ZNF385D: variants seen among roughly 807,000 people sequenced by gnomAD.
ZNF385D encodes the protein zinc finger protein 659.
Under a neutral mutation model 35.8 loss-of-function variants are expected in ZNF385D, and 15 were observed. The ratio of observed to expected loss-of-function variants is 0.42; its 90% confidence interval spans 0.28 to 0.64. The LOEUF (loss-of-function observed/expected upper bound fraction) is 0.64. Among genes scored for constraint, ZNF385D ranks in the 30% least tolerant of loss-of-function variants. ZNF385D has a pLI of 0.23. For missense variants in ZNF385D, 474 were observed against 494.6 expected (o/e 0.96, Z 0.39); for synonymous variants, 212 against 186.8 (o/e 1.13, Z -1.10).
In ZNF385D at chr3:22,029,776, T is replaced by C. The variant is rs555158497; in HGVS notation, c.325+139041A>G. ...TCTAGTTGTATGAAGGGTAGTTGTA[T>C]TATGTTAGGCGTAATTATGACATTG... On this transcript the variant is annotated intron_variant, in intron 3 of 5. Transcript: ENST00000494108. Among the ~76,000 whole-genome samples the C allele has an allele frequency of 2.6e-5, 4 of 152,336 alleles. No homozygotes were observed. In the South Asian group the frequency reaches 8.3e-4, roughly 32 times the overall value.
chr3:21,687,589 T>C (rs1266643650), intron 1 of ZNF385D, among the ~76,000 whole-genome samples: 1 of 152,090 alleles, frequency 6.6e-6, no homozygotes, highest in East Asian at 1.9e-4. Flanking sequence ...TTGTCCAGGG[T>C]TCATAGTTTA....
intron 3 of ZNF385D, among the ~76,000 whole-genome samples, chr3:21,923,726 G>C (rs1306968408): frequency 5.3e-5 from 8 of 152,138 alleles, no homozygotes; most frequent in Admixed American, 5.2e-4. Flanking sequence ...TGCAGTTGGA[G>C]TCCATTATCA....
intron 3 of ZNF385D, among the ~76,000 whole-genome samples, chr3:21,991,954 T>G (rs903908539): frequency 6.6e-6 from 1 of 152,198 alleles, no homozygotes; most frequent in African/African-American, 2.4e-5. Context: ...CCAGACCACC[T>G]GGGCTTAAAT....
intron 3 of ZNF385D, among the ~76,000 whole-genome samples, chr3:22,097,810 G>C (rs1048573009): frequency 2.0e-5 from 3 of 152,038 alleles, no homozygotes; most frequent in African/African-American, 4.8e-5. Flanking sequence ...CCACATTTCT[G>C]TCTAGATACC....
chr3:21,707,002 T>C (rs2067930002), intron 1 of ZNF385D, among the ~76,000 whole-genome samples: 1 of 152,192 alleles, frequency 6.6e-6, no homozygotes, highest in Non-Finnish European at 1.5e-5. Context: ...TTTGAAATGC[T>C]TGATGAAGTT....
chr3:21,742,882 A>G (rs1166094555), intron 1 of ZNF385D, among the ~76,000 whole-genome samples: 1 of 152,222 alleles, frequency 6.6e-6, no homozygotes, highest in Non-Finnish European at 1.5e-5. Flanking sequence ...TGACCCCAAC[A>G]GGCAAAATCA....
At chr3:21,873,580 G>C (rs1697806432) in intron 3 of ZNF385D, among the ~76,000 whole-genome samples, 2 of 152,034 alleles carry the variant, frequency 1.3e-5, no homozygotes, top group African/African-American at 4.8e-5. Context: ...CTGATCTGCA[G>C]AACTTTTGCA....
chr3:22,059,750 C>T (rs1699597368), intron 3 of ZNF385D, among the ~76,000 whole-genome samples: 1 of 152,062 alleles, frequency 6.6e-6, no homozygotes. Context: ...GCCTAACCAC[C>T]CATAATAGAT....
At chr3:21,613,426 T>C (rs7629800) in intron 2 of ZNF385D, among the ~76,000 whole-genome samples, 59,928 of 150,660 alleles carry the variant, frequency 0.4, 12,271 homozygotes, top group South Asian at 0.61. Context: ...AAAGTGACCA[T>C]GTGAACACAT....
intron 3 of ZNF385D, among the ~76,000 whole-genome samples, chr3:22,047,126 A>C (rs1051884071): frequency 6.6e-6 from 1 of 152,138 alleles, no homozygotes; most frequent in Admixed American, 6.5e-5. Context: ...TTGACAAATA[A>C]AAATTATACA....
chr3:21,748,388 C>G (rs114966029), intron 1 of ZNF385D, among the ~76,000 whole-genome samples: 1 of 115,790 alleles, frequency 8.6e-6, no homozygotes, highest in African/African-American at 3.3e-5. Context: ...CTGAGCCAGG[C>G]TATTCAGGTA....
chr3:22,172,083 G>GTGAC (rs1430300533), intron 2 of ZNF385D, among the ~76,000 whole-genome samples: 2 of 152,004 alleles, frequency 1.3e-5, no homozygotes, highest in Non-Finnish European at 2.9e-5. Flanking sequence ...TAAACGTTAG[G>GTGAC]TGACTGTCTT....
At chr3:22,138,953 ACTC>A (rs1300574057) in intron 3 of ZNF385D, among the ~76,000 whole-genome samples, 1 of 152,130 alleles carries the variant, frequency 6.6e-6, no homozygotes. Context: ...TCTACAATGA[ACTC>A]CAACAAATTT....
chr3:22,073,763 T>C lies in ZNF385D; in HGVS notation c.325+95054A>G, dbSNP rs534426830. The stretch of plus-strand genomic sequence containing the variant: ...TGTTTGCTGAATTGAAGAATACATT[T>C]GGATGCTTTCTGAATAGGTAAAAGC... On this transcript the variant is annotated intron_variant, in intron 3 of 5. Coordinates refer to the ZNF385D transcript ENST00000494108. Among the ~76,000 whole-genome samples, 11 of 152,152 alleles carry C rather than the reference T, an allele frequency of 7.2e-5. No individual in the cohort carries two copies. The South Asian group carries it at 2.3e-3, about 32-fold the overall frequency.
intron 2 of ZNF385D, among the ~76,000 whole-genome samples, chr3:22,344,496 T>C (rs1052833440): frequency 6.6e-6 from 1 of 152,114 alleles, no homozygotes; most frequent in Admixed American, 6.6e-5. Context: ...CTCAAGTGAT[T>C]CTCCTGCCTC....
At chr3:21,752,001 A>ACCC (rs2070115655), upstream of ZNF385D, among the ~76,000 whole-genome samples, 2 of 80,576 alleles carry the variant, frequency 2.5e-5, no homozygotes, top group East Asian at 3.6e-4. Context: ...ACACACACAC[A>ACCC]CACCCACCCC....
intron 2 of ZNF385D, among the ~76,000 whole-genome samples, chr3:21,627,221 C>T (rs2065157747): frequency 6.7e-6 from 1 of 148,856 alleles, no homozygotes; most frequent in African/African-American, 2.5e-5. Flanking sequence ...TACTGGCAAC[C>T]TTATGCTGGT....
intron 3 of ZNF385D, among the ~76,000 whole-genome samples, chr3:21,881,305 T>C (rs1026083790): frequency 1.2e-4 from 18 of 151,966 alleles, no homozygotes; most frequent in Non-Finnish European, 1.5e-5. Context: ...GCTAATCCCA[T>C]TGGCGACTTT....
intron 2 of ZNF385D, among the ~76,000 whole-genome samples, chr3:22,197,889 G>C (rs924690324): frequency 2.0e-5 from 3 of 152,016 alleles, no homozygotes; most frequent in African/African-American, 7.2e-5. Context: ...ATTGTGCTCA[G>C]ACTTCAAACA....
Sources: allele counts gnomAD v4.1 joint callset (sites outside exome capture counted in the v4.1 genomes callset), GRCh38; gene constraint gnomAD v4.1.1; transcripts MANE v1.5; gene names NCBI Gene and HGNC (gene_info 2026-07-23, HGNC 2026-07-21).